Variants in WWC2 observed in about 807,000 individuals in gnomAD.
WWC2 encodes the protein WW and C2 domain containing 2, also known as protein WWC2.
In WWC2, 101 loss-of-function variants were observed where a neutral mutation model predicts 138.5. The observed-to-expected ratio is 0.73, with a 90% CI of 0.62 to 0.86. The LOEUF (loss-of-function observed/expected upper bound fraction) is 0.86. Ranked by LOEUF, WWC2 falls within the 40% of genes least tolerant of loss-of-function variation. The pLI, the probability that WWC2 is intolerant of heterozygous loss-of-function variation, is 0.00. For missense variants in WWC2, 1,420 were observed against 1,419.4 expected, an observed-to-expected ratio of 1.00 and a Z score of -0.01; for synonymous variants, 558 against 538.4, an observed-to-expected ratio of 1.04 and a Z score of -0.50.
At chr4:183,106,078 C>T (rs986225479) in intron 1 of WWC2, among the ~76,000 whole-genome samples, 3 of 151,366 alleles carry the variant, frequency 2.0e-5, no homozygotes, top group Non-Finnish European at 4.4e-5. Context: ...CTCCTGGGTT[C>T]AAGGTTCAAG....
chr4:183,233,850 G>A (rs1736334886), intron 4 of WWC2: 1 of 152,242 alleles, frequency 6.6e-6, no homozygotes, highest in South Asian at 2.1e-4. Flanking sequence ...GGTGGAAGTG[G>A]TAGTCAGGAG....
At chr4:183,101,422 A>G (rs375175277) in intron 1 of WWC2, among the ~76,000 whole-genome samples, 14 of 152,222 alleles carry the variant, frequency 9.2e-5, no homozygotes, top group East Asian at 3.8e-4. Flanking sequence ...TAAACAATTC[A>G]TTGGATAGGG....
chr4:183,109,268 A>G (rs1393970974), intron 1 of WWC2, among the ~76,000 whole-genome samples: 4 of 152,232 alleles, frequency 2.6e-5, no homozygotes, highest in South Asian at 2.1e-4. Flanking sequence ...TGGAATGTTT[A>G]CTTTGGCCCT....
At chr4:183,254,137 AGAACAATAAAGT>A in intron 9 of WWC2, 138 bp downstream of exon 9, 2 of 1,340,822 alleles carry the variant, frequency 1.5e-6, no homozygotes, top group Non-Finnish European at 2.0e-6. Context: ...GACTTTCTGT[AGAACAATAAAGT>A]GCACCATCCT....
chr4:183,158,580 C>A (rs113626915), intron 1 of WWC2, among the ~76,000 whole-genome samples: 2 of 151,848 alleles, frequency 1.3e-5, no homozygotes, highest in Admixed American at 6.6e-5. Flanking sequence ...TCTTTAAGGG[C>A]CCTGTTTCCA....
chr4:183,207,454 G>A (rs775197475), intron 2 of WWC2, among the ~76,000 whole-genome samples: 2 of 152,108 alleles, frequency 1.3e-5, no homozygotes, highest in Non-Finnish European at 2.9e-5. Flanking sequence ...GACTAAAATC[G>A]CTATAATGAT....
intron 1 of WWC2, among the ~76,000 whole-genome samples, chr4:183,190,322 T>C (rs1734956570): frequency 6.6e-6 from 1 of 152,214 alleles, no homozygotes; most frequent in African/African-American, 2.4e-5. Context: ...AACATTTCCG[T>C]TCACTGTATT....
At chr4:183,252,001 G>T (rs541484057) in intron 8 of WWC2, among the ~76,000 whole-genome samples, 1 of 152,170 alleles carries the variant, frequency 6.6e-6, no homozygotes, top group Non-Finnish European at 1.5e-5. Context: ...CTGAAGAATA[G>T]CTGATGTTAC....
In WWC2 at chr4:183,320,371, C is replaced by T. The variant is rs1739604377; in HGVS notation, c.*4642C>T. ...TTGCCAGAGTTGCTATTGTTTGATT[C>T]CATGTTGAATGGGTTTCACAAAAGG... is the stretch of plus-strand genomic sequence containing the variant. On this transcript the variant is annotated 3_prime_UTR_variant, in exon 23 of 23. Transcript: ENST00000403733. 1 of 751,656 alleles carries T rather than the reference C, an allele frequency of 1.3e-6. No homozygotes were observed. The highest frequency in any genetic ancestry group is 2.2e-6 in the Non-Finnish European group (1 of 464,034). The allele number at this position is 751,656 out of a possible 1,614,324, so 46.6% of individuals were successfully genotyped here.
At chr4:183,112,115 T>C (rs953077077) in intron 1 of WWC2, among the ~76,000 whole-genome samples, 1 of 152,204 alleles carries the variant, frequency 6.6e-6, no homozygotes, top group Non-Finnish European at 1.5e-5. Context: ...TGGCAGAATG[T>C]TTAACATAAC....
chr4:183,216,754 AAT>A (rs1263717535), intron 4 of WWC2, among the ~76,000 whole-genome samples: 3 of 152,206 alleles, frequency 2.0e-5, no homozygotes, highest in Non-Finnish European at 4.4e-5. Context: ...AAGTGGCTAG[AAT>A]ATATAGGAAA....
intron 1 of WWC2, among the ~76,000 whole-genome samples, chr4:183,132,583 A>G (rs1167188617): frequency 6.6e-6 from 1 of 151,652 alleles, no homozygotes. Context: ...CCTCCCGAGT[A>G]GCTGGGACTA....
chr4:183,224,022 G>C (rs917159184), intron 4 of WWC2, among the ~76,000 whole-genome samples: 1 of 152,066 alleles, frequency 6.6e-6, no homozygotes, highest in African/African-American at 2.4e-5. Context: ...GTGTGCCACC[G>C]CACCCAGCTG....
At position 183,280,882 on chromosome 4, in the gene WWC2, G is replaced by A. The variant is rs1172602430; in HGVS notation, c.2669G>A (p.Gly890Asp). The change falls in exon 17 of 23, where the codon GGC becomes GAC. Residue 890 changes from glycine to aspartate, a missense_variant. By Grantham distance (94) the Gly-to-Asp change is moderately conservative. Transcript: ENST00000403733. Reference protein sequence around the residue: ...EEESGQEEPRGPDGDWLTMLR... With the variant: ...EEESGQEEPRDPDGDWLTMLR... ...GAATCAGGACAAGAAGAGCCAAGGG[G>A]CCCAGATGGAGACTGGTTAAACACT... 1.3e-6 allele frequency: 2 copies of A among 1,570,748 alleles called. No individual in the cohort carries two copies. Among genetic ancestry groups the A allele is most frequent in the Non-Finnish European group, 1.7e-6 (2 of 1,157,380 alleles).
chr4:183,193,442 T>G (rs78029921), intron 1 of WWC2, among the ~76,000 whole-genome samples, 157 bp from the exon 2 acceptor site: 4 of 152,326 alleles, frequency 2.6e-5, no homozygotes, highest in African/African-American at 9.6e-5. Context: ...CGACTTGTCC[T>G]ACTTTTTTGG....
intron 1 of WWC2, among the ~76,000 whole-genome samples, chr4:183,133,049 CT>C (rs202168776): frequency 7.3e-6 from 1 of 136,928 alleles, no homozygotes; most frequent in East Asian, 2.0e-4. Context: ...TTTCCCTTCC[CT>C]TTTTTCCTTT....
At chr4:183,212,516 C>G (rs1735627129) in intron 4 of WWC2, among the ~76,000 whole-genome samples, 1 of 152,198 alleles carries the variant, frequency 6.6e-6, no homozygotes. Context: ...AAAACTTACT[C>G]TCAATAAACT....
At chr4:183,305,456 C>T (rs562430318) in intron 21 of WWC2, among the ~76,000 whole-genome samples, 2 of 152,158 alleles carry the variant, frequency 1.3e-5, no homozygotes, top group South Asian at 4.2e-4. Flanking sequence ...GAACATTACA[C>T]CTAAGCATAT....
intron 10 of WWC2, 87 bp downstream of exon 10, chr4:183,259,815 A>C: frequency 1.1e-6 from 1 of 934,230 alleles, no homozygotes; most frequent in South Asian, 1.6e-5. Context: ...TTTATTTCCA[A>C]CTACTTTAAA....
Sources: gnomAD v4.1 joint callset for allele counts (sites outside exome capture counted in the v4.1 genomes callset) on GRCh38, gnomAD v4.1.1 for gene constraint, MANE v1.5 for transcripts, NCBI Gene and HGNC (gene_info 2026-07-23, HGNC 2026-07-21) for gene names.